Variants in C8A observed in about 807,000 individuals in gnomAD.
The protein encoded by C8A is complement component C8 alpha chain.
C8A carries 67 observed loss-of-function variants against 65.3 expected under a neutral mutation model. That is an observed-to-expected ratio of 1.03 (90% confidence interval 0.84 to 1.26). The LOEUF (loss-of-function observed/expected upper bound fraction) is 1.26, where lower values mean the gene tolerates loss of function less well. Among genes scored for constraint, C8A ranks in the 50% most tolerant of loss-of-function variants. The probability of loss-of-function intolerance (pLI) is 0.00; values close to 1 mark genes in which losing one functional copy is unlikely to be tolerated. For synonymous variants in C8A, 290 were observed against 259.4 expected (o/e 1.12, Z -1.13); for missense variants, 781 against 723.9 (o/e 1.08, Z -0.90).
Position 56,883,465 on chromosome 1 carries a change from T to C in C8A, c.655-16T>C. ...TCTATGTGCACAAAGCTAATATCTA[T>C]CCTTTTTTTTTTCAGGCCCTGGCAG... On this transcript the variant is annotated splice_polypyrimidine_tract_variant and intron_variant, in intron 5 of 10. Coordinates refer to ENST00000361249, the MANE Select transcript of C8A (RefSeq NM_000562.3). 6.3e-7 allele frequency: 1 copy of C among 1,597,456 alleles called. No individual in the cohort carries two copies. Among genetic ancestry groups the C allele is most frequent in the Non-Finnish European group, 8.6e-7 (1 of 1,165,232 alleles).
chr1:56,887,766 A>T (rs551865411), intron 7 of C8A, among the ~76,000 whole-genome samples: 1 of 152,292 alleles, frequency 6.6e-6, no homozygotes, highest in East Asian at 1.9e-4. Context: ...GGATAAAGAA[A>T]ATGTGGCACA....
At chr1:56,870,111 A>G (rs1044698329) in intron 2 of C8A, among the ~76,000 whole-genome samples, 2 of 152,232 alleles carry the variant, frequency 1.3e-5, no homozygotes, top group South Asian at 2.1e-4. Flanking sequence ...GACATCCTGT[A>G]TTAGTTTCTT....
At chr1:56,877,771 C>T (rs1244475498) in intron 4 of C8A, among the ~76,000 whole-genome samples, 1 of 152,100 alleles carries the variant, frequency 6.6e-6, no homozygotes, top group East Asian at 1.9e-4. Context: ...AGTGACCCAG[C>T]CCTGTTGCAG....
intron 10 of C8A, among the ~76,000 whole-genome samples, chr1:56,917,011 C>T (rs944684795): frequency 3.3e-5 from 5 of 152,040 alleles, no homozygotes; most frequent in South Asian, 2.1e-4. Context: ...CCCAGGAGGG[C>T]GGTGCTCCCC....
At chr1:56,859,170 A>G (rs1644006279) in intron 1 of C8A, among the ~76,000 whole-genome samples, 1 of 152,240 alleles carries the variant, frequency 6.6e-6, no homozygotes, top group African/African-American at 2.4e-5. Context: ...ACATAACCTT[A>G]AGCAAGTTAT....
chr1:56,906,526 T>C, intron 7 of C8A, 141 bp from the exon 8 acceptor site: 1 of 887,768 alleles, frequency 1.1e-6, no homozygotes, highest in South Asian at 1.4e-5. Flanking sequence ...AAACTGAAAT[T>C]GGATTAAAGA....
chr1:56,882,051 C>T (rs886387496), intron 5 of C8A, among the ~76,000 whole-genome samples: 4 of 152,148 alleles, frequency 2.6e-5, no homozygotes, highest in Non-Finnish European at 5.9e-5. Flanking sequence ...GAGACCTGTG[C>T]TTTTGTTTCA....
chr1:56,912,213 C>T (rs1622553), intron 9 of C8A, among the ~76,000 whole-genome samples, 190 bp from the exon 10 acceptor site: 15,595 of 152,186 alleles, frequency 0.1, 1,254 homozygotes, highest in African/African-American at 0.22. Context: ...CTTTCTTCTG[C>T]TAGGAGCTGA....
intron 6 of C8A, among the ~76,000 whole-genome samples, chr1:56,885,555 G>GTTT (rs201414278): frequency 2.3e-5 from 3 of 127,842 alleles, no homozygotes; most frequent in Non-Finnish European, 4.9e-5. Context: ...TTTCTTTTTT[G>GTTT]TTTTTTTTTG....
chr1:56,876,204 C>T lies in C8A; in HGVS notation c.459C>T (p.Ala153=). The part of the protein sequence containing the change: ...YEPIPGSQKA[A]LGYNILTQED... ...CAATTCCAGGATCACAGAAGGCAGC[C>T]TTGGGGTGAGGCCCTGCCTACTAGC... Residue 153 remains alanine (A), a synonymous_variant, in exon 4 of 11, where the codon GCC becomes GCT. Transcript: ENST00000361249. The T allele has an allele frequency of 1.2e-6, 2 of 1,613,806 alleles. No individual in the cohort carries two copies. Among genetic ancestry groups the T allele is most frequent in the South Asian group, 1.1e-5 (1 of 91,080 alleles).
chr1:56,887,821 A>T, intron 7 of C8A, among the ~76,000 whole-genome samples: 1 of 152,194 alleles, frequency 6.6e-6, no homozygotes, highest in Admixed American at 6.5e-5. Flanking sequence ...GGATGAGTTC[A>T]TGTCCTTTGC....
rs764485693 is a variant in C8A at position 56,878,248 on chromosome 1, G to A, written c.464+2039G>A. On this transcript the variant is annotated intron_variant, in intron 4 of 10. Coordinates refer to ENST00000361249, the MANE Select transcript of C8A (RefSeq NM_000562.3). Reference sequence around the variant, plus strand: ...GCTTAATTACCCCATTAAGGACTCCGTCTCCAAATATACTCACACTCTGAG... The same window carrying A: ...GCTTAATTACCCCATTAAGGACTCCATCTCCAAATATACTCACACTCTGAG... 4.6e-5 allele frequency among the ~76,000 whole-genome samples: 7 copies of A among 152,100 alleles called. No homozygotes were observed. In the East Asian group the frequency reaches 5.8e-4, roughly 13 times the overall value.
chr1:56,867,598 C>T lies in C8A; in HGVS notation c.78-11C>T. 6.2e-7 allele frequency: 1 copy of T among 1,606,160 alleles called. No individual in the cohort carries two copies. The highest frequency in any genetic ancestry group is 8.5e-7 in the Non-Finnish European group (1 of 1,173,014). ...TCTCAAAATTGATGCATGGATCTTC[C>T]CTTTCTTTAGGAGAGTAAGACGGGC... On this transcript the variant is annotated splice_polypyrimidine_tract_variant and intron_variant, in intron 1 of 10. Coordinates refer to ENST00000361249, the MANE Select transcript of C8A (RefSeq NM_000562.3).
In C8A at chr1:56,885,987, G is replaced by C. The variant is rs1248434657; in HGVS notation, c.916G>C (p.Asp306His). 3 of 1,613,914 alleles carry C rather than the reference G, an allele frequency of 1.9e-6. No homozygotes were observed. Among genetic ancestry groups the C allele is most frequent in the Admixed American group, 1.7e-5 (1 of 59,978 alleles). ...GACTGCACATTTTAAGATGAGGAAG[G>C]ATGACATTATGCTGGATGAAGGAAT... ...VQTAHFKMRK[D>H]DIMLDEGMLQ... The change falls in exon 7 of 11, where the codon GAT becomes CAT. Residue 306 changes from aspartate (D) to histidine (H), a missense_variant. By Grantham distance (81) the Asp-to-His change is moderately conservative. Coordinates refer to ENST00000361249, the MANE Select transcript of C8A (RefSeq NM_000562.3).
chr1:56,915,411 C>G (rs989921737), intron 10 of C8A, among the ~76,000 whole-genome samples: 1 of 152,052 alleles, frequency 6.6e-6, no homozygotes, highest in East Asian at 1.9e-4. Context: ...AAAGGCACTG[C>G]TTGGTAGATG....
Position 56,867,651 on chromosome 1 carries a change from G to A in C8A, c.120G>A (p.Gln40=). The stretch of plus-strand genomic sequence containing the variant: ...CTACACCCGCAGCAGTTACCTGCCA[G>A]CTGAGCAACTGGTCAGAGTGGACAG... ...RAATPAAVTC[Q]LSNWSEWTDC... The change falls in exon 2 of 11, where the codon CAG becomes CAA. Residue 40 remains glutamine, a synonymous_variant. Coordinates refer to ENST00000361249, the MANE Select transcript of C8A (RefSeq NM_000562.3). The A allele has an allele frequency of 6.2e-7, 1 of 1,613,954 alleles. No individual in the cohort carries two copies. Among genetic ancestry groups the A allele is most frequent in the Non-Finnish European group, 8.5e-7 (1 of 1,179,928 alleles).
chr1:56,860,883 A>G (rs1373065250), intron 1 of C8A, among the ~76,000 whole-genome samples: 1 of 152,230 alleles, frequency 6.6e-6, no homozygotes, highest in Non-Finnish European at 1.5e-5. Flanking sequence ...GGCCAGAGGC[A>G]GGAAGAGAGT....
chr1:56,869,929 T>G (rs1644127563), intron 2 of C8A, among the ~76,000 whole-genome samples: 1 of 152,194 alleles, frequency 6.6e-6, no homozygotes, highest in African/African-American at 2.4e-5. Flanking sequence ...TGATGAGTTA[T>G]TCAAAATTGC....
intron 7 of C8A, 73 bp from the exon 8 acceptor site, chr1:56,906,594 C>T: frequency 1.3e-6 from 2 of 1,556,072 alleles, no homozygotes; most frequent in South Asian, 1.1e-5. Context: ...TTTTACTACT[C>T]TGACATAGTT....
Sources: gnomAD v4.1 joint callset for allele counts (sites outside exome capture counted in the v4.1 genomes callset) on GRCh38, gnomAD v4.1.1 for gene constraint, MANE v1.5 for transcripts, NCBI Gene and HGNC (gene_info 2026-07-23, HGNC 2026-07-21) for gene names.